Variants in HYCC2 observed in about 807,000 individuals in gnomAD.
HYCC2 encodes hyccin PI4KA lipid kinase complex subunit 2.
chr2:201,042,638 C>A, the HYCC2 span, among the ~76,000 whole-genome samples: 1 of 151,596 alleles, frequency 6.6e-6, no homozygotes, highest in Non-Finnish European at 1.5e-5. Flanking sequence ...CTCCGCCTGG[C>A]AGCCGCCCCA....
chr2:201,004,897 G>C, the HYCC2 span, among the ~76,000 whole-genome samples: 5 of 151,712 alleles, frequency 3.3e-5, no homozygotes, highest in African/African-American at 9.7e-5. Flanking sequence ...GGCGCCTGTA[G>C]TCCCAGCTAC....
At chr2:201,008,448 T>C in the HYCC2 span, among the ~76,000 whole-genome samples, 1 of 152,188 alleles carries the variant, frequency 6.6e-6, no homozygotes, top group Non-Finnish European at 1.5e-5. Context: ...GTAATTATAG[T>C]TAACTACTAA....
chr2:201,029,258 T>TA, the HYCC2 span, among the ~76,000 whole-genome samples: 1 of 152,332 alleles, frequency 6.6e-6, no homozygotes, highest in South Asian at 2.1e-4. Flanking sequence ...CACAGTGAGA[T>TA]AACATCTTAC....
the HYCC2 span, among the ~76,000 whole-genome samples, chr2:201,008,344 G>A: frequency 6.6e-6 from 1 of 152,174 alleles, no homozygotes; most frequent in African/African-American, 2.4e-5. Flanking sequence ...TATACAAGAT[G>A]ACCATAACAT....
the HYCC2 span, chr2:200,992,846 A>G: frequency 4.1e-6 from 5 of 1,206,208 alleles, no homozygotes; most frequent in African/African-American, 7.5e-5. Flanking sequence ...GTTTCTAAAC[A>G]TTAGGAAGAA....
At chr2:200,988,539 A>C in the HYCC2 span, 1 of 646,670 alleles carries the variant, frequency 1.5e-6, no homozygotes, top group African/African-American at 1.8e-5. Context: ...TGTGTAATAA[A>C]CATATCTTTG....
At chr2:201,022,690 A>G in the HYCC2 span, 1 of 518,936 alleles carries the variant, frequency 1.9e-6, no homozygotes, top group Non-Finnish European at 3.3e-6. Context: ...GGAAAGCCAA[A>G]GCAACTATCA....
the HYCC2 span, chr2:201,022,817 T>C: frequency 6.8e-7 from 1 of 1,473,690 alleles, no homozygotes; most frequent in Non-Finnish European, 9.4e-7. Flanking sequence ...ATTATTTTTC[T>C]TGAGGTCTCC....
the HYCC2 span, chr2:201,063,543 C>A: frequency 1.3e-6 from 2 of 1,588,128 alleles, no homozygotes; most frequent in South Asian, 2.2e-5. Context: ...GCCTTTGTAA[C>A]CTTTGATGAC....
the HYCC2 span, chr2:201,063,276 C>A: frequency 6.4e-7 from 1 of 1,558,700 alleles, no homozygotes; most frequent in Non-Finnish European, 8.8e-7. Flanking sequence ...GTCACATATG[C>A]CACTGTGAAG....
At chr2:201,067,420 C>G in the HYCC2 span, among the ~76,000 whole-genome samples, 1 of 152,116 alleles carries the variant, frequency 6.6e-6, no homozygotes, top group South Asian at 2.1e-4. Context: ...TATTTTATGA[C>G]CACTTTTTTG....
chr2:201,022,963 T>C, the HYCC2 span: 1 of 1,440,284 alleles, frequency 6.9e-7, no homozygotes, highest in Non-Finnish European at 9.7e-7. Context: ...AAAACAAAAG[T>C]GAACATTTGA....
the HYCC2 span, among the ~76,000 whole-genome samples, chr2:201,040,540 G>GT: frequency 6.6e-6 from 1 of 151,184 alleles, no homozygotes; most frequent in Non-Finnish European, 1.5e-5. Context: ...CCAGGCTGGA[G>GT]TGCAGTGGCA....
the HYCC2 span, among the ~76,000 whole-genome samples, chr2:201,039,860 G>GA: frequency 1.4e-4 from 21 of 150,690 alleles, no homozygotes; most frequent in African/African-American, 2.9e-4. Flanking sequence ...ATCAAAATGT[G>GA]AAAAAAAAAT....
the HYCC2 span, chr2:201,063,012 A>G: frequency 1.2e-5 from 18 of 1,524,794 alleles, no homozygotes; most frequent in Non-Finnish European, 1.5e-5. Context: ...ATCAAGTACT[A>G]TAATAAAAAT....
the HYCC2 span, among the ~76,000 whole-genome samples, chr2:200,995,779 T>C: frequency 2.0e-5 from 3 of 152,216 alleles, no homozygotes; most frequent in Non-Finnish European, 4.4e-5. Context: ...AGCTAAGCCA[T>C]CTGGATTCCT....
chr2:201,070,001 C>G, the HYCC2 span, among the ~76,000 whole-genome samples: 6 of 152,086 alleles, frequency 3.9e-5, no homozygotes, highest in Admixed American at 3.3e-4. Context: ...TACATTAGAC[C>G]TTATCTCCTA....
At chr2:200,987,449 G>A in the HYCC2 span, 18 of 1,289,656 alleles carry the variant, frequency 1.4e-5, no homozygotes, top group South Asian at 3.7e-5. Flanking sequence ...TCTTGCACAC[G>A]TTTGATCCCT....
At chr2:200,980,984 G>A in the HYCC2 span, 34 of 449,986 alleles carry the variant, frequency 7.6e-5, no homozygotes, top group South Asian at 4.8e-4. Flanking sequence ...ATCAGCCTAC[G>A]ATGGATTGCA....
Sources: gnomAD v4.1 joint callset for allele counts (sites outside exome capture counted in the v4.1 genomes callset) on GRCh38, gnomAD v4.1.1 for gene constraint, MANE v1.5 for transcripts, NCBI Gene and HGNC (gene_info 2026-07-23, HGNC 2026-07-21) for gene names.